NDOR1: variants seen among roughly 807,000 people sequenced by gnomAD.
NDOR1 encodes NADPH dependent diflavin oxidoreductase 1.
NDOR1 carries 61 observed loss-of-function variants against 67.2 expected under a neutral mutation model. The ratio of observed to expected loss-of-function variants is 0.91; its 90% CI spans 0.74 to 1.12. The LOEUF (loss-of-function observed/expected upper bound fraction) is 1.12, where lower values mean the gene tolerates loss of function less well. Among genes scored for constraint, NDOR1 ranks in the 50% most tolerant of loss-of-function variants. NDOR1 has a pLI of 0.00. For missense variants in NDOR1, 878 were observed against 802.8 expected, an observed-to-expected ratio of 1.09 and a Z score of -1.13; for synonymous variants, 378 against 343.7, an observed-to-expected ratio of 1.10 and a Z score of -1.10.
At chr9:137,211,667 G>A (rs1017925909) in intron 2 of NDOR1, among the ~76,000 whole-genome samples, 33 of 152,282 alleles carry the variant, frequency 2.2e-4, no homozygotes, top group Non-Finnish European at 1.5e-5. Context: ...CTCGCATAGC[G>A]TGGCCCAGAG....
At position 137,214,540 on chromosome 9, in the gene NDOR1, C is replaced by T. The variant is rs757220701; in HGVS notation, c.723-30C>T. ...GCCCCGACATCCTCCCTGCGGCGTC[C>T]CCACAGCCCTGGTGGCTTCTTCCAC... On this transcript the variant is annotated intron_variant, in intron 6 of 13. Coordinates refer to ENST00000684003, the MANE Select transcript of NDOR1 (RefSeq NM_014434.4). 6 of 1,610,418 alleles carry T rather than the reference C, an allele frequency of 3.7e-6. No homozygotes were observed. In the African/African-American group the frequency reaches 5.3e-5, roughly 14 times the overall value.
Position 137,217,924 on chromosome 9 carries a change from C to A in NDOR1, c.*1508C>A. 1 of 398,584 alleles carries A rather than the reference C, an allele frequency of 2.5e-6. No homozygotes were observed. 24.7% of individuals were successfully genotyped at this position (398,584 alleles called of 1,614,324 possible). A position where few individuals can be genotyped will look rare whatever the true frequency, so the allele number is the denominator to read the frequency against. ...ACCCTCTGTGCCAAGCACCAGCAAGCAAAGGGGATGACCTTGGGCACCCCC... is the reference window on the plus strand; with the variant it reads ...ACCCTCTGTGCCAAGCACCAGCAAGAAAAGGGGATGACCTTGGGCACCCCC... On this transcript the variant is annotated 3_prime_UTR_variant, in exon 14 of 14. Transcript: ENST00000684003.
chr9:137,214,453 G>T, intron 6 of NDOR1, 40 bp downstream of exon 6: 1 of 1,546,002 alleles, frequency 6.5e-7, no homozygotes, highest in Non-Finnish European at 8.7e-7. Flanking sequence ...AGGTGAGGTG[G>T]GCCGTGGGTC....
rs144634975 is a variant in NDOR1, at chr9:137,215,160, C to T, written c.1131C>T (p.Pro377=). Residue 377 remains proline (P), a synonymous_variant, in exon 9 of 14, where the codon CCC becomes CCT. Transcript: ENST00000684003. ...IPPDYLLDLI[P]VIRPRAFSIA... ...CCGACTACCTGTTGGACCTCATCCC[C>T]GTTATCCGGCCGAGGGCCTTCTCCA... 3.7e-5 allele frequency: 60 copies of T among 1,613,292 alleles called. No individual in the cohort carries two copies. The highest frequency in any genetic ancestry group is 2.1e-4 in the South Asian group (19 of 91,006).
rs770646680 is a variant in NDOR1, at chr9:137,216,322, T to C, written c.1700T>C (p.Phe567Ser). ...GTCTCGGAAGCCCTGATGTCCATCT[T>C]CCAGGAGGAGGGTGGACTCTGCAGC... ...ADVSEALMSIFQEEGGLCSPD... is the reference protein window; with the variant it reads ...ADVSEALMSISQEEGGLCSPD... Residue 567 changes from phenylalanine (F) to serine (S), a missense_variant, in exon 14 of 14, where the codon TTC (phenylalanine) becomes TCC (serine). By Grantham distance (155) the Phe-to-Ser change is radical. Coordinates refer to ENST00000684003, the MANE Select transcript of NDOR1 (RefSeq NM_014434.4). 8 of 1,611,850 alleles carry C rather than the reference T, an allele frequency of 5.0e-6. No individual in the cohort carries two copies. Among genetic ancestry groups the C allele is most frequent in the Non-Finnish European group, 6.8e-6 (8 of 1,179,982 alleles).
At chr9:137,209,394 AG>A (rs1835137460) in intron 2 of NDOR1, among the ~76,000 whole-genome samples, 2 of 152,054 alleles carry the variant, frequency 1.3e-5, no homozygotes, top group African/African-American at 4.8e-5. Context: ...AGCATGGGAG[AG>A]GAGAGGGACT....
chr9:137,213,851 G>T lies in NDOR1; in HGVS notation c.383G>T (p.Cys128Phe). The change falls in exon 4 of 14, where the codon TGC (cysteine) becomes TTC (phenylalanine). Residue 128 changes from cysteine (C) to phenylalanine (F), a missense_variant. Physicochemically the swap from Cys to Phe is radical, Grantham distance 205 (BLOSUM62 -2). Transcript: ENST00000684003. ...GGGGGCAGCGCCCTCCTGCCCGTGT[G>T]CCTGGGCGATGACCAGCATGAGCTG... ...QLGGSALLPV[C>F]LGDDQHELGP... is the part of the protein sequence containing the mutation. 1.2e-6 allele frequency: 2 copies of T among 1,611,152 alleles called. No homozygotes were observed. Among genetic ancestry groups the T allele is most frequent in the Non-Finnish European group, 1.7e-6 (2 of 1,179,178 alleles).
At chr9:137,214,472 G>A (rs1264416336) in intron 6 of NDOR1, 59 bp downstream of exon 6, 12 of 1,611,062 alleles carry the variant, frequency 7.4e-6, no homozygotes, top group South Asian at 2.2e-5. Flanking sequence ...TCTGGGGTTC[G>A]GAGGAGGCTG....
At position 137,214,051 on chromosome 9, in the gene NDOR1, G is replaced by C; in HGVS notation, c.495G>C (p.Glu165Asp). The change falls in exon 5 of 14, where the codon GAG becomes GAC. Residue 165 changes from glutamate to aspartate, a missense_variant. Physicochemically the swap from Glu to Asp is conservative, Grantham distance 45. Coordinates refer to ENST00000684003, the MANE Select transcript of NDOR1 (RefSeq NM_014434.4). ...ACCCGCCGCCTCCGGGCCTCACTGA[G>C]ATCCCTCCCGGAGTCCCGTGAGTGT... ...GLYPPPPGLT[E>D]IPPGVPLPSK... 3 of 1,542,614 alleles carry C rather than the reference G, an allele frequency of 1.9e-6. No individual in the cohort carries two copies. Among genetic ancestry groups the C allele is most frequent in the African/African-American group, 2.7e-5 (2 of 73,292 alleles).
rs1273553202 is a variant in NDOR1 at position 137,206,410 on chromosome 9, C to A, written c.213+101C>A. 3 of 1,212,118 alleles carry A rather than the reference C, an allele frequency of 2.5e-6. No homozygotes were observed. In the African/African-American group the frequency reaches 4.5e-5, roughly 18 times the overall value. 75.1% of individuals were successfully genotyped at this position (1,212,118 alleles called of 1,614,324 possible). On this transcript the variant is annotated intron_variant, in intron 2 of 13. Transcript: ENST00000684003. ...TGCAGTAAATAGCTCTCCTTTATCT[C>A]ATGCACCTTCAGAGGTGGATTTGAG...
At chr9:137,206,931 G>A (rs1029429129) in intron 2 of NDOR1, among the ~76,000 whole-genome samples, 19 of 152,172 alleles carry the variant, frequency 1.2e-4, no homozygotes, top group Non-Finnish European at 2.6e-4. Flanking sequence ...GGAAGAAGGA[G>A]CAGTCAGCGC....
chr9:137,217,900 C>T lies in NDOR1; in HGVS notation c.*1484C>T, dbSNP rs985788223. On this transcript the variant is annotated 3_prime_UTR_variant, in exon 14 of 14. Transcript: ENST00000684003. Reference sequence around the variant, plus strand: ...CCTCTCTGGGCCCTGAGTGCCTGGACCCTCTGTGCCAAGCACCAGCAAGCA... The same window carrying T: ...CCTCTCTGGGCCCTGAGTGCCTGGATCCTCTGTGCCAAGCACCAGCAAGCA... 7.5e-6 allele frequency: 3 copies of T among 398,346 alleles called. No homozygotes were observed. The highest frequency in any genetic ancestry group is 1.3e-5 in the Non-Finnish European group (3 of 226,026). 24.7% of individuals were successfully genotyped at this position (398,346 alleles called of 1,614,324 possible).
chr9:137,214,046 A>G lies in NDOR1; in HGVS notation c.490A>G (p.Thr164Ala), dbSNP rs2131373599. ...GCTGTACCCGCCGCCTCCGGGCCTC[A>G]CTGAGATCCCTCCCGGAGTCCCGTG... ...LGLYPPPPGL[T>A]EIPPGVPLPS... Residue 164 changes from threonine (T) to alanine (A), a missense_variant, in exon 5 of 14, where the codon ACT becomes GCT. Transcript: ENST00000684003. 6.5e-7 allele frequency: 1 copy of G among 1,543,878 alleles called. No individual in the cohort carries two copies. Among genetic ancestry groups the G allele is most frequent in the Non-Finnish European group, 8.7e-7 (1 of 1,147,760 alleles).
chr9:137,214,761 CG>C lies in NDOR1; in HGVS notation c.845-36del, dbSNP rs746036856. The C allele has an allele frequency of 3.8e-6, 6 of 1,595,410 alleles. No homozygotes were observed. In the African/African-American group the frequency reaches 6.8e-5, roughly 18 times the overall value. On this transcript the variant is annotated intron_variant, in intron 7 of 13. Transcript: ENST00000684003. ...CCCTGGGCCCCCACCCCAAGGGCTC[CG>C]CCGCAGCCCACGGAGGCCTCCCACT...
At chr9:137,208,563 A>G (rs1835094683) in intron 2 of NDOR1, among the ~76,000 whole-genome samples, 1 of 152,046 alleles carries the variant, frequency 6.6e-6, no homozygotes, top group African/African-American at 2.4e-5. Flanking sequence ...TTTGCCGGGC[A>G]CAGTGGCTCA....
intron 2 of NDOR1, among the ~76,000 whole-genome samples, chr9:137,208,614 A>G (rs928174484): frequency 3.9e-5 from 6 of 152,096 alleles, no homozygotes; most frequent in African/African-American, 1.4e-4. Context: ...AGGTGGGAGG[A>G]TCGCTTGAGC....
chr9:137,211,568 AAG>A (rs1176698202), intron 2 of NDOR1, among the ~76,000 whole-genome samples: 2 of 152,168 alleles, frequency 1.3e-5, no homozygotes, highest in African/African-American at 4.8e-5. Flanking sequence ...CGGAGCAGGG[AAG>A]AGAGTCTTTT....
intron 9 of NDOR1, 58 bp downstream of exon 9, chr9:137,215,260 T>C: frequency 2.6e-6 from 4 of 1,566,956 alleles, no homozygotes; most frequent in South Asian, 1.1e-5. Flanking sequence ...GGACCGGGGC[T>C]GTGGGGTTTT....
At chr9:137,208,493 ACC>A (rs935730862) in intron 2 of NDOR1, among the ~76,000 whole-genome samples, 190 of 151,172 alleles carry the variant, frequency 1.3e-3, no homozygotes, top group African/African-American at 4.6e-3. Context: ...CAAACAAAAA[ACC>A]ACATCTGGCT....
Sources: gnomAD v4.1 joint callset for allele counts (sites outside exome capture counted in the v4.1 genomes callset) on GRCh38, gnomAD v4.1.1 for gene constraint, MANE v1.5 for transcripts, NCBI Gene and HGNC (gene_info 2026-07-23, HGNC 2026-07-21) for gene names.